FAM53B: variants seen among roughly 807,000 people sequenced by gnomAD.
FAM53B encodes the protein protein FAM53B.
FAM53B carries 12 observed loss-of-function variants against 32.7 expected under a neutral mutation model. The ratio of observed to expected loss-of-function variants is 0.37; its 90% CI spans 0.24 to 0.59. FAM53B has a LOEUF of 0.59. Among genes scored for constraint, FAM53B ranks in the 20% least tolerant of loss-of-function variants. The pLI is 0.72. For missense variants in FAM53B, 477 were observed against 577.7 expected, an observed-to-expected ratio of 0.83 and a Z score of 1.79; for synonymous variants, 234 against 228.7, an observed-to-expected ratio of 1.02 and a Z score of -0.21.
chr10:124,737,119 T>C (rs919893540), intron 1 of FAM53B, among the ~76,000 whole-genome samples: 2 of 152,156 alleles, frequency 1.3e-5, no homozygotes, highest in African/African-American at 4.8e-5. Context: ...TGAAGCAAAG[T>C]GCCCGGCTCC....
At chr10:124,715,425 T>A (rs1950033288) in intron 1 of FAM53B, among the ~76,000 whole-genome samples, 1 of 152,212 alleles carries the variant, frequency 6.6e-6, no homozygotes. Context: ...GGAGTCACAA[T>A]GGCTTCTTGC....
intron 1 of FAM53B, among the ~76,000 whole-genome samples, chr10:124,720,162 T>TAAAA (rs1351549210): frequency 5.2e-5 from 5 of 95,976 alleles, no homozygotes; most frequent in Non-Finnish European, 8.7e-5. Context: ...AGACTTCATC[T>TAAAA]AAAAAAAAAA....
At chr10:124,685,201 TG>T (rs2030474978) in intron 3 of FAM53B, among the ~76,000 whole-genome samples, 1 of 152,234 alleles carries the variant, frequency 6.6e-6, no homozygotes, top group Non-Finnish European at 1.5e-5. Context: ...TAAACCGAAA[TG>T]TTAATAGTGG....
chr10:124,694,535 A>G lies in FAM53B; in HGVS notation c.133+1623T>C, dbSNP rs375295039. The stretch of plus-strand genomic sequence containing the variant: ...CTAGAAATCCTTGAAATAAAGACCA[A>G]CATCTCCACAACCCAGTTTACTGGT... On this transcript the variant is annotated intron_variant, in intron 3 of 4. Transcript: ENST00000337318. Among the ~76,000 whole-genome samples, 17 of 152,296 alleles carry G rather than the reference A, an allele frequency of 1.1e-4. No homozygotes were observed. The East Asian group carries it at 2.7e-3, about 24-fold the overall frequency.
intron 4 of FAM53B, among the ~76,000 whole-genome samples, chr10:124,676,320 A>G (rs1359464610): frequency 2.6e-5 from 4 of 152,000 alleles, no homozygotes; most frequent in Non-Finnish European, 5.9e-5. Flanking sequence ...GAATTCCTCT[A>G]CTTGCCGTCA....
chr10:124,712,812 A>G (rs1415931201), intron 1 of FAM53B, among the ~76,000 whole-genome samples: 1 of 152,212 alleles, frequency 6.6e-6, no homozygotes, highest in African/African-American at 2.4e-5. Context: ...TCAATGACTC[A>G]TCTTCACCAG....
chr10:124,633,417 C>CAT (rs1420266831), intron 4 of FAM53B, among the ~76,000 whole-genome samples: 2 of 152,256 alleles, frequency 1.3e-5, no homozygotes, highest in Admixed American at 1.3e-4. Flanking sequence ...TCCCAATCCC[C>CAT]ATGGTCTTAA....
At chr10:124,689,076 T>A (rs1949818183) in intron 3 of FAM53B, among the ~76,000 whole-genome samples, 2 of 152,202 alleles carry the variant, frequency 1.3e-5, no homozygotes, top group Admixed American at 1.3e-4. Flanking sequence ...TTCACACCTA[T>A]CTACTTGTGC....
chr10:124,737,805 A>G (rs1305508731), intron 1 of FAM53B, among the ~76,000 whole-genome samples: 1 of 152,208 alleles, frequency 6.6e-6, no homozygotes, highest in Non-Finnish European at 1.5e-5. Context: ...GGGAGTTGCC[A>G]GGATATGCCC....
At chr10:124,681,475 T>C (rs1027957271) in intron 4 of FAM53B, 132 bp downstream of exon 4, 5 of 769,320 alleles carry the variant, frequency 6.5e-6, no homozygotes, top group Non-Finnish European at 1.0e-5. Context: ...TGAATAGGAT[T>C]TAAAAAAACA....
chr10:124,731,956 C>T (rs182691837), intron 1 of FAM53B, among the ~76,000 whole-genome samples: 62 of 152,284 alleles, frequency 4.1e-4, no homozygotes, highest in Admixed American at 1.2e-3. Flanking sequence ...GACCCAGCTC[C>T]CTCCCAAGTC....
chr10:124,677,613 A>G (rs1949744539), intron 4 of FAM53B, among the ~76,000 whole-genome samples: 1 of 152,242 alleles, frequency 6.6e-6, no homozygotes, highest in Non-Finnish European at 1.5e-5. Context: ...TCCCCGACTC[A>G]GGATCCAGAT....
chr10:124,713,235 G>A (rs567371689), intron 1 of FAM53B, among the ~76,000 whole-genome samples: 146 of 152,320 alleles, frequency 9.6e-4, no homozygotes, highest in Non-Finnish European at 1.6e-3. Context: ...ACATTTTCCA[G>A]ATGGGAAGAC....
intron 1 of FAM53B, among the ~76,000 whole-genome samples, chr10:124,725,880 G>C (rs1230430183): frequency 6.6e-6 from 1 of 152,168 alleles, no homozygotes; most frequent in Non-Finnish European, 1.5e-5. Context: ...TGAAAGGAAA[G>C]ACGAGCCTCA....
intron 4 of FAM53B, among the ~76,000 whole-genome samples, chr10:124,628,659 G>A (rs1949370821): frequency 6.6e-6 from 1 of 152,224 alleles, no homozygotes; most frequent in South Asian, 2.1e-4. Flanking sequence ...ACTCTCCACT[G>A]CTGTGAGTGT....
At chr10:124,644,958 C>T (rs949501543) in intron 4 of FAM53B, among the ~76,000 whole-genome samples, 2 of 152,194 alleles carry the variant, frequency 1.3e-5, no homozygotes, top group Non-Finnish European at 2.9e-5. Context: ...CTGCCTCTTG[C>T]TCTCCCCCTG....
intron 4 of FAM53B, among the ~76,000 whole-genome samples, chr10:124,648,989 C>G (rs1949538903): frequency 6.6e-6 from 1 of 152,236 alleles, no homozygotes; most frequent in Admixed American, 6.5e-5. Flanking sequence ...TACTGACTTG[C>G]AGAAGCAGCT....
chr10:124,709,808 C>G (rs546743919), intron 1 of FAM53B, among the ~76,000 whole-genome samples: 16 of 151,632 alleles, frequency 1.1e-4, no homozygotes, highest in Non-Finnish European at 1.8e-4. Flanking sequence ...AGTCCACTAG[C>G]CTGAGTGACA....
chr10:124,718,499 G>A (rs1176954512), intron 1 of FAM53B, among the ~76,000 whole-genome samples: 1 of 152,204 alleles, frequency 6.6e-6, no homozygotes, highest in Non-Finnish European at 1.5e-5. Flanking sequence ...GCTGCCAGGC[G>A]GGTCTGTCAC....
Sources: gnomAD v4.1 joint callset for allele counts (sites outside exome capture counted in the v4.1 genomes callset) on GRCh38, gnomAD v4.1.1 for gene constraint, MANE v1.5 for transcripts, NCBI Gene and HGNC (gene_info 2026-07-23, HGNC 2026-07-21) for gene names.